The following CNTN5 variants were observed in gnomAD, a reference collection of about 807,000 sequenced individuals.
CNTN5 encodes the protein contactin-5.
In CNTN5, 77 loss-of-function variants were observed where a neutral mutation model predicts 129.1. The ratio of observed to expected loss-of-function variants is 0.60; its 90% CI spans 0.50 to 0.72. The LOEUF (loss-of-function observed/expected upper bound fraction) is 0.72. Ranked by LOEUF, CNTN5 falls within the 30% of genes least tolerant of loss-of-function variation. The pLI, the probability that CNTN5 is intolerant of heterozygous loss-of-function variation, is 0.00. For missense variants in CNTN5, 1,478 were observed against 1,328.8 expected (o/e 1.11, Z -1.75); for synonymous variants, 509 against 465.6 (o/e 1.09, Z -1.20).
chr11:99,240,515 T>C (rs1030185371), intron 1 of CNTN5, among the ~76,000 whole-genome samples: 1 of 152,158 alleles, frequency 6.6e-6, no homozygotes, highest in East Asian at 1.9e-4. Flanking sequence ...CCTGACTGCC[T>C]ACACAGAGGG....
chr11:99,064,406 G>A (rs1158529084), intron 1 of CNTN5, among the ~76,000 whole-genome samples: 3 of 149,276 alleles, frequency 2.0e-5, no homozygotes, highest in Non-Finnish European at 4.5e-5. Flanking sequence ...AGAGCAACCT[G>A]AACCAGAAAA....
chr11:99,638,078 GAAAC>G (rs150460197), intron 3 of CNTN5, among the ~76,000 whole-genome samples: 91,648 of 151,672 alleles, frequency 0.6, 28,442 homozygotes, highest in Admixed American at 0.69. Flanking sequence ...CTGAAACTGA[GAAAC>G]AAACAAAGGT....
intron 3 of CNTN5, among the ~76,000 whole-genome samples, chr11:99,658,716 A>AT (rs1555067237): frequency 4.9e-4 from 56 of 115,018 alleles, no homozygotes; most frequent in East Asian, 2.2e-3. Flanking sequence ...TACTAAAAAA[A>AT]AAATATATAT....
intron 18 of CNTN5, among the ~76,000 whole-genome samples, chr11:100,283,153 C>A (rs1180082265): frequency 6.6e-6 from 1 of 152,128 alleles, no homozygotes; most frequent in Non-Finnish European, 1.5e-5. Context: ...ATTAATCCTG[C>A]CAAGACTGGG....
intron 6 of CNTN5, among the ~76,000 whole-genome samples, chr11:99,851,852 A>G (rs1292727672): frequency 6.6e-6 from 1 of 152,200 alleles, no homozygotes; most frequent in Non-Finnish European, 1.5e-5. Flanking sequence ...CTCAAAAATT[A>G]CTTCTCTGGC....
At chr11:99,795,692 G>T (rs1379568241) in intron 3 of CNTN5, among the ~76,000 whole-genome samples, 2 of 151,594 alleles carry the variant, frequency 1.3e-5, no homozygotes, top group African/African-American at 2.4e-5. Flanking sequence ...TGTCTTTGGG[G>T]CTTTGAGTGT....
intron 1 of CNTN5, among the ~76,000 whole-genome samples, chr11:99,285,790 C>G (rs949044406): frequency 6.6e-6 from 1 of 152,018 alleles, no homozygotes; most frequent in Admixed American, 6.5e-5. Context: ...GTAATCCCAG[C>G]ACTTTGGGAG....
intron 3 of CNTN5, among the ~76,000 whole-genome samples, chr11:99,633,168 G>A (rs1321920637): frequency 6.6e-6 from 1 of 152,110 alleles, no homozygotes; most frequent in Non-Finnish European, 1.5e-5. Context: ...AGAACTTTCA[G>A]TTTCTCAGTG....
At chr11:100,315,520 TTTATCCC>T (rs1348931048) in intron 21 of CNTN5, among the ~76,000 whole-genome samples, 1 of 152,128 alleles carries the variant, frequency 6.6e-6, no homozygotes, top group Admixed American at 6.5e-5. Context: ...ATTTAGCAAT[TTTATCCC>T]TTTCTGTTTC....
chr11:99,362,612 C>CT lies in CNTN5; in HGVS notation c.-71+37137dup, dbSNP rs567616079. Among the ~76,000 whole-genome samples, 841 of 150,238 alleles carry CT rather than the reference C, an allele frequency of 5.6e-3. 6 individuals are homozygous for CT. Among genetic ancestry groups the CT allele is most frequent in the Non-Finnish European group, 9.5e-3 (641 of 67,382 alleles). On this transcript the variant is annotated intron_variant, in intron 2 of 24. Transcript: ENST00000524871. ...TCTTCTAAGAGTTTTATAGTTTTAGCTTTTTTTTTCTTAAGCATCCTTTTG... is the reference window on the plus strand; with the variant it reads ...TCTTCTAAGAGTTTTATAGTTTTAGCTTTTTTTTTTCTTAAGCATCCTTTTG...
intron 1 of CNTN5, among the ~76,000 whole-genome samples, chr11:99,310,604 T>C (rs1241756644): frequency 6.6e-6 from 1 of 152,158 alleles, no homozygotes; most frequent in East Asian, 1.9e-4. Flanking sequence ...TAAATACGCC[T>C]ATAAGCCACT....
At chr11:100,285,494 C>T (rs689284) in intron 18 of CNTN5, among the ~76,000 whole-genome samples, 130,590 of 152,204 alleles carry the variant, frequency 0.86, 56,444 homozygotes, top group East Asian at 1. Flanking sequence ...CCCATGATGC[C>T]TTTTCATCTT....
chr11:99,442,658 G>T (rs1480768704), intron 2 of CNTN5, among the ~76,000 whole-genome samples: 1 of 152,154 alleles, frequency 6.6e-6, no homozygotes, highest in African/African-American at 2.4e-5. Flanking sequence ...CTGCAATAAA[G>T]GCTAGAACAA....
intron 1 of CNTN5, among the ~76,000 whole-genome samples, chr11:99,164,787 T>C (rs1860797286): frequency 6.6e-6 from 1 of 152,152 alleles, no homozygotes; most frequent in Non-Finnish European, 1.5e-5. Flanking sequence ...TTGAGTATGA[T>C]TATGTGTGTG....
chr11:100,248,266 G>A (rs775783932), intron 16 of CNTN5, among the ~76,000 whole-genome samples: 12 of 152,132 alleles, frequency 7.9e-5, no homozygotes, highest in Non-Finnish European at 1.5e-4. Context: ...AACAACAGGG[G>A]TCAGGTAGGG....
At chr11:99,310,808 T>C (rs1865079609) in intron 1 of CNTN5, among the ~76,000 whole-genome samples, 1 of 152,194 alleles carries the variant, frequency 6.6e-6, no homozygotes, top group Admixed American at 6.5e-5. Context: ...TATGAAAATA[T>C]CACAATTCAT....
At chr11:99,255,843 C>A (rs1263731747) in intron 1 of CNTN5, among the ~76,000 whole-genome samples, 1 of 151,720 alleles carries the variant, frequency 6.6e-6, no homozygotes, top group Non-Finnish European at 1.5e-5. Context: ...CACACGCACA[C>A]ACACACCCCA....
chr11:99,033,088 C>T (rs915629466), intron 1 of CNTN5, among the ~76,000 whole-genome samples: 8 of 148,508 alleles, frequency 5.4e-5, no homozygotes, highest in Admixed American at 1.4e-4. Flanking sequence ...AGATATGCGG[C>T]GTTATTTCTG....
chr11:99,901,509 T>C (rs1460911702), intron 6 of CNTN5, among the ~76,000 whole-genome samples: 1 of 152,132 alleles, frequency 6.6e-6, no homozygotes, highest in Non-Finnish European at 1.5e-5. Flanking sequence ...ACCAGGCTAG[T>C]CTCGAACTCC....
Sources: gnomAD v4.1 joint callset for allele counts (sites outside exome capture counted in the v4.1 genomes callset) on GRCh38, gnomAD v4.1.1 for gene constraint, MANE v1.5 for transcripts, NCBI Gene and HGNC (gene_info 2026-07-23, HGNC 2026-07-21) for gene names.